Variants in NHEJ1 observed in about 807,000 individuals in gnomAD.
The protein encoded by NHEJ1 is non-homologous end-joining factor 1.
In NHEJ1, 22 loss-of-function variants were observed where a neutral mutation model predicts 39.4. That is an observed-to-expected ratio of 0.56 (90% CI 0.40 to 0.80). The LOEUF (loss-of-function observed/expected upper bound fraction) is 0.80. NHEJ1 is among the 30% of genes least tolerant of loss of function. The probability of loss-of-function intolerance (pLI) is 0.00; values close to 1 mark genes in which losing one functional copy is unlikely to be tolerated. For missense variants in NHEJ1, 329 were observed against 357.1 expected (o/e 0.92, Z 0.63); for synonymous variants, 154 against 135.6 (o/e 1.14, Z -0.94).
Position 219,069,821 on chromosome 2 carries a change from G to A in NHEJ1, c.*6560C>T, listed in dbSNP as rs910757017. The A allele has an allele frequency of 1.3e-5, 2 of 152,174 alleles. No individual in the cohort carries two copies. Among genetic ancestry groups the A allele is most frequent in the Non-Finnish European group, 2.9e-5 (2 of 68,032 alleles). 9.4% of individuals were successfully genotyped at this position (152,174 alleles called of 1,614,324 possible). ...GGAGATATAGGAAGCCTATAAAGTT[G>A]GCTTAAACCTCATGTTGATTAAACC... is the stretch of plus-strand genomic sequence containing the variant. On this transcript the variant is annotated 3_prime_UTR_variant, in exon 8 of 8. Transcript: ENST00000356853.
At position 219,088,836 on chromosome 2, in the gene NHEJ1, G is replaced by A. The variant is rs3100782; in HGVS notation, c.589-10630C>T. Among the ~76,000 whole-genome samples, 309 of 152,082 alleles carry A rather than the reference G, an allele frequency of 2.0e-3. 3 individuals are homozygous for A. The highest frequency in any genetic ancestry group is 2.5e-3 in the Non-Finnish European group (171 of 67,982). On this transcript the variant is annotated intron_variant, in intron 5 of 7. Coordinates refer to ENST00000356853, the MANE Select transcript of NHEJ1 (RefSeq NM_024782.3). ...TTTTTGTTTGTTTGTTTTTTGAGAC[G>A]GAGTCTCACTCTGTTACCCAGGCTG...
chr2:219,089,864 C>T (rs1949145783), intron 5 of NHEJ1, among the ~76,000 whole-genome samples: 1 of 152,112 alleles, frequency 6.6e-6, no homozygotes, highest in Non-Finnish European at 1.5e-5. Flanking sequence ...GCTTAGGCTC[C>T]CAAAAGGCTT....
At chr2:219,138,714 A>T (rs1285196278) in intron 5 of NHEJ1, among the ~76,000 whole-genome samples, 2 of 152,254 alleles carry the variant, frequency 1.3e-5, no homozygotes, top group African/African-American at 4.8e-5. Context: ...ACTAGGTGCT[A>T]TAGAAAAAAT....
At chr2:219,119,810 TCTC>T (rs1321140757) in intron 5 of NHEJ1, among the ~76,000 whole-genome samples, 1 of 152,178 alleles carries the variant, frequency 6.6e-6, no homozygotes, top group Non-Finnish European at 1.5e-5. Flanking sequence ...GCTCCAATCT[TCTC>T]CTGTTTCCTT....
intron 5 of NHEJ1, among the ~76,000 whole-genome samples, chr2:219,103,612 A>G (rs1292535285): frequency 1.3e-5 from 2 of 152,196 alleles, no homozygotes; most frequent in Non-Finnish European, 2.9e-5. Flanking sequence ...TGCTAAATGG[A>G]AAGAAACCTA....
chr2:219,123,905 C>T (rs1187618565), intron 5 of NHEJ1, among the ~76,000 whole-genome samples: 1 of 152,158 alleles, frequency 6.6e-6, no homozygotes, highest in African/African-American at 2.4e-5. Flanking sequence ...TATTATGTAG[C>T]TCTAATAAAA....
Position 219,071,617 on chromosome 2 carries a change from C to T in NHEJ1, c.*4764G>A, listed in dbSNP as rs1050950731. On this transcript the variant is annotated 3_prime_UTR_variant, in exon 8 of 8. Transcript: ENST00000356853. The stretch of plus-strand genomic sequence containing the variant: ...ATTCTAACTCTGCTACTGTTTTGGG[C>T]CCCAGAGTAAGGGCAGAGAGGAAGA... Among the ~76,000 whole-genome samples, 1 of 152,198 alleles carries T rather than the reference C, an allele frequency of 6.6e-6. No individual in the cohort carries two copies. Among genetic ancestry groups the T allele is most frequent in the Admixed American group, 6.5e-5 (1 of 15,282 alleles).
chr2:219,147,888 T>C, intron 3 of NHEJ1, 93 bp from the exon 4 acceptor site: 2 of 1,296,264 alleles, frequency 1.5e-6, no homozygotes, highest in East Asian at 2.4e-5. Flanking sequence ...GAAAAATAAA[T>C]GTTCTTACAG....
chr2:219,089,728 C>T (rs1262821315), intron 5 of NHEJ1, among the ~76,000 whole-genome samples: 1 of 152,074 alleles, frequency 6.6e-6, no homozygotes, highest in African/African-American at 2.4e-5. Context: ...ATATACTTTT[C>T]GGTATATTTC....
intron 5 of NHEJ1, among the ~76,000 whole-genome samples, chr2:219,133,240 T>A (rs1949595436): frequency 6.6e-6 from 1 of 152,212 alleles, no homozygotes; most frequent in South Asian, 2.1e-4. Context: ...AAAAGAAATA[T>A]CACCCGTAAG....
chr2:219,086,283 A>G (rs1397002759), intron 5 of NHEJ1, among the ~76,000 whole-genome samples: 1 of 152,178 alleles, frequency 6.6e-6, no homozygotes, highest in Non-Finnish European at 1.5e-5. Flanking sequence ...GCTTGAAGAG[A>G]TTAAGTAACT....
intron 5 of NHEJ1, among the ~76,000 whole-genome samples, chr2:219,093,113 C>T (rs1048053695): frequency 6.6e-6 from 1 of 152,114 alleles, no homozygotes; most frequent in Admixed American, 6.5e-5. Flanking sequence ...AATTTATAAT[C>T]GGTTCAGGGT....
At chr2:219,156,354 G>C (rs574253974) in intron 3 of NHEJ1, among the ~76,000 whole-genome samples, 5 of 152,184 alleles carry the variant, frequency 3.3e-5, no homozygotes, top group Non-Finnish European at 7.3e-5. Flanking sequence ...TCCCCTGTGG[G>C]AAACTAAAGA....
chr2:219,112,970 G>C (rs1279273194), intron 5 of NHEJ1, among the ~76,000 whole-genome samples: 1 of 151,948 alleles, frequency 6.6e-6, no homozygotes, highest in African/African-American at 2.4e-5. Context: ...GCTGAAATTA[G>C]TTGCCCAGAT....
chr2:219,122,262 T>A (rs1296269990), intron 5 of NHEJ1, among the ~76,000 whole-genome samples: 1 of 152,216 alleles, frequency 6.6e-6, no homozygotes, highest in Non-Finnish European at 1.5e-5. Context: ...TCCCTGGGGA[T>A]CTTTCACTAA....
intron 3 of NHEJ1, among the ~76,000 whole-genome samples, chr2:219,155,033 T>C (rs1057278151): frequency 6.7e-6 from 1 of 150,292 alleles, no homozygotes; most frequent in Non-Finnish European, 1.5e-5. Flanking sequence ...TATCATTATA[T>C]TAGTGTTCCT....
At position 219,073,402 on chromosome 2, in the gene NHEJ1, A is replaced by G. The variant is rs1381136706; in HGVS notation, c.*2979T>C. On this transcript the variant is annotated 3_prime_UTR_variant, in exon 8 of 8. Transcript: ENST00000356853. ...ACCCTAGTGATATCTTTTAGGACCC[A>G]GCCTGAGCTCTGCTTTTAAGGGTTG... 6.6e-6 allele frequency among the ~76,000 whole-genome samples: 1 copy of G among 152,228 alleles called. No individual in the cohort carries two copies. The highest frequency in any genetic ancestry group is 2.4e-5 in the African/African-American group (1 of 41,466).
chr2:219,090,707 C>CT (rs1434736882), intron 5 of NHEJ1, among the ~76,000 whole-genome samples: 1 of 152,172 alleles, frequency 6.6e-6, no homozygotes, highest in Non-Finnish European at 1.5e-5. Flanking sequence ...AGTTAACAGA[C>CT]TAACCGTGAA....
intron 5 of NHEJ1, chr2:219,095,450 C>T: frequency 2.4e-6 from 1 of 423,496 alleles, no homozygotes; most frequent in East Asian, 7.2e-5. Context: ...TGATATTGTA[C>T]AATGCTTTAA....
Sources: gnomAD v4.1 joint callset for allele counts (sites outside exome capture counted in the v4.1 genomes callset) on GRCh38, gnomAD v4.1.1 for gene constraint, MANE v1.5 for transcripts, NCBI Gene and HGNC (gene_info 2026-07-23, HGNC 2026-07-21) for gene names.